Variants in RABGAP1L observed in about 807,000 individuals in gnomAD.
The protein encoded by RABGAP1L is rab GTPase-activating protein 1-like.
A neutral mutation model predicts 137.7 loss-of-function variants in RABGAP1L; 63 were observed. That is an observed-to-expected ratio of 0.46 (90% CI 0.37 to 0.56). RABGAP1L has a LOEUF of 0.56. RABGAP1L is among the 20% of genes least tolerant of loss of function. The pLI, the probability that RABGAP1L is intolerant of heterozygous loss-of-function variation, is 0.00. For missense variants in RABGAP1L, 1,095 were observed against 1,244.0 expected (o/e 0.88, Z 1.80); for synonymous variants, 431 against 433.7 (o/e 0.99, Z 0.08).
chr1:174,282,755 C>T (rs1167738198), intron 10 of RABGAP1L, among the ~76,000 whole-genome samples: 3 of 151,998 alleles, frequency 2.0e-5, no homozygotes, highest in Admixed American at 6.6e-5. Flanking sequence ...AGGCCTATTA[C>T]CTATTTTCTG....
At chr1:174,353,622 A>G (rs1683378149) in intron 11 of RABGAP1L, among the ~76,000 whole-genome samples, 1 of 152,134 alleles carries the variant, frequency 6.6e-6, no homozygotes, top group South Asian at 2.1e-4. Context: ...TCCTCTTGCT[A>G]GGGCTGGTCT....
chr1:174,301,855 G>T (rs931112380), intron 10 of RABGAP1L, among the ~76,000 whole-genome samples: 1 of 152,184 alleles, frequency 6.6e-6, no homozygotes, highest in Admixed American at 6.5e-5. Context: ...TAAAATAGGC[G>T]AAGGCTGGGG....
chr1:174,166,982 A>G (rs1399524358), intron 1 of RABGAP1L, among the ~76,000 whole-genome samples: 1 of 152,224 alleles, frequency 6.6e-6, no homozygotes, highest in Non-Finnish European at 1.5e-5. Flanking sequence ...TTCTAAAATA[A>G]ATATGAATTG....
At chr1:174,720,461 A>G (rs142626185) in intron 17 of RABGAP1L, among the ~76,000 whole-genome samples, 1 of 152,152 alleles carries the variant, frequency 6.6e-6, no homozygotes, top group Non-Finnish European at 1.5e-5. Context: ...CTACAGGTGC[A>G]TGCCACTATG....
At chr1:174,463,506 C>A (rs1387295407) in intron 13 of RABGAP1L, among the ~76,000 whole-genome samples, 2 of 125,950 alleles carry the variant, frequency 1.6e-5, no homozygotes, top group Non-Finnish European at 3.2e-5. Context: ...ACTCTGGGGA[C>A]TGTTGTGGGG....
chr1:174,768,391 C>T (rs1489739983), intron 18 of RABGAP1L, among the ~76,000 whole-genome samples: 1 of 152,194 alleles, frequency 6.6e-6, no homozygotes, highest in East Asian at 1.9e-4. Context: ...TCAGCAGCTT[C>T]TTAATAAGAT....
In RABGAP1L at chr1:174,604,840, C is replaced by A. The variant is rs117657347; in HGVS notation, c.1711-32535C>A. Among the ~76,000 whole-genome samples the A allele has an allele frequency of 1.1e-3, 165 of 152,240 alleles. No homozygotes were observed. In the East Asian group the frequency reaches 0.022, roughly 20 times the overall value. On this transcript the variant is annotated intron_variant, in intron 13 of 25. Transcript: ENST00000681986. The stretch of plus-strand genomic sequence containing the variant: ...GTAAGGTGGATGCTTAATAATGTTT[C>A]ATCAAAACTCTTGTAAAATTAGGCT...
chr1:174,981,113 G>C (rs74694505), intron 23 of RABGAP1L, among the ~76,000 whole-genome samples: 1,787 of 152,220 alleles, frequency 0.012, 37 homozygotes, highest in African/African-American at 0.041. Context: ...TCTTCAAATA[G>C]TAATCCTGGG....
chr1:174,552,939 C>T (rs1666651471), intron 13 of RABGAP1L, among the ~76,000 whole-genome samples: 1 of 152,168 alleles, frequency 6.6e-6, no homozygotes, highest in Non-Finnish European at 1.5e-5. Context: ...GAGATGGTAT[C>T]TCATTGTGGT....
At chr1:174,612,085 A>G (rs1341358164) in intron 13 of RABGAP1L, among the ~76,000 whole-genome samples, 1 of 152,182 alleles carries the variant, frequency 6.6e-6, no homozygotes, top group East Asian at 1.9e-4. Context: ...AGAACTTCTA[A>G]CACTATGTTG....
intron 10 of RABGAP1L, among the ~76,000 whole-genome samples, chr1:174,303,801 G>A (rs116418461): frequency 2.1e-3 from 327 of 152,222 alleles, no homozygotes; most frequent in Non-Finnish European, 3.2e-3. Flanking sequence ...GTACAATTTT[G>A]TACTACAACA....
intron 13 of RABGAP1L, among the ~76,000 whole-genome samples, chr1:174,599,634 T>C (rs1321247271): frequency 1.3e-5 from 2 of 152,194 alleles, no homozygotes; most frequent in Non-Finnish European, 2.9e-5. Context: ...CTTCAGCACT[T>C]AAAATATGTC....
At chr1:174,568,660 C>G (rs937099724) in intron 13 of RABGAP1L, among the ~76,000 whole-genome samples, 3 of 151,994 alleles carry the variant, frequency 2.0e-5, no homozygotes, top group Non-Finnish European at 4.4e-5. Context: ...CAGTGGGATG[C>G]CACTAAAGTT....
chr1:174,216,553 C>A (rs1669336058), intron 1 of RABGAP1L, among the ~76,000 whole-genome samples: 1 of 151,198 alleles, frequency 6.6e-6, no homozygotes, highest in African/African-American at 2.4e-5. Flanking sequence ...TCCCTCTCTC[C>A]CCCTCCCCTT....
At chr1:174,401,113 C>T (rs1380415727) in intron 13 of RABGAP1L, among the ~76,000 whole-genome samples, 3 of 151,958 alleles carry the variant, frequency 2.0e-5, no homozygotes, top group South Asian at 2.1e-4. Flanking sequence ...TATGTAAATC[C>T]GTGTTGAATC....
intron 13 of RABGAP1L, among the ~76,000 whole-genome samples, chr1:174,497,359 T>C (rs1407753604): frequency 6.6e-6 from 1 of 152,198 alleles, no homozygotes; most frequent in African/African-American, 2.4e-5. Flanking sequence ...CAATGTGCTG[T>C]ATATGAGGAA....
chr1:174,347,002 G>A (rs902552986), intron 11 of RABGAP1L, among the ~76,000 whole-genome samples: 1 of 152,080 alleles, frequency 6.6e-6, no homozygotes, highest in East Asian at 1.9e-4. Context: ...GGAGGAAGTT[G>A]TCTAATTTCC....
In RABGAP1L at chr1:174,686,648, C is replaced by CTTTTT. The variant is rs533716511; in HGVS notation, c.1899+3075_1899+3079dup. Among the ~76,000 whole-genome samples, 81 of 105,834 alleles carry CTTTTT rather than the reference C, an allele frequency of 7.7e-4. 12 individuals are homozygous for CTTTTT. The highest frequency in any genetic ancestry group is 5.9e-3 in the East Asian group (17 of 2,890). 69.4% of individuals were successfully genotyped at this position (105,834 alleles called of 152,430 possible). On this transcript the variant is annotated intron_variant, in intron 15 of 25. Coordinates refer to ENST00000681986, the MANE Select transcript of RABGAP1L (RefSeq NM_001366446.1). ...GAAGCTTTGGTTTGAACAAAGCAAT[C>CTTTTT]TTTTTTTTTTTTTTTTTTTTTTTTT...
intron 13 of RABGAP1L, among the ~76,000 whole-genome samples, chr1:174,544,600 C>T (rs546461997): frequency 7.9e-5 from 12 of 152,212 alleles, no homozygotes; most frequent in Non-Finnish European, 1.8e-4. Flanking sequence ...CTTCTTCTCT[C>T]AACTTGTCAA....
Sources: allele counts gnomAD v4.1 joint callset (sites outside exome capture counted in the v4.1 genomes callset), GRCh38; gene constraint gnomAD v4.1.1; transcripts MANE v1.5; gene names NCBI Gene and HGNC (gene_info 2026-07-23, HGNC 2026-07-21).